The following NIN variants were observed in gnomAD, a reference collection of about 807,000 sequenced individuals.
The protein encoded by NIN is glycogen synthase kinase 3 beta-interacting protein.
NIN carries 137 observed loss-of-function variants against 257.6 expected under a neutral mutation model. That is an observed-to-expected ratio of 0.53 (90% CI 0.46 to 0.61). The LOEUF (loss-of-function observed/expected upper bound fraction) is 0.61, where lower values mean the gene tolerates loss of function less well. NIN is among the 20% of genes least tolerant of loss of function. NIN has a pLI of 0.00. For missense variants in NIN, 2,439 were observed against 2,501.2 expected, an observed-to-expected ratio of 0.98 and a Z score of 0.53; for synonymous variants, 918 against 919.8, an observed-to-expected ratio of 1.00 and a Z score of 0.04.
intron 30 of NIN, among the ~76,000 whole-genome samples, chr14:50,724,908 C>T (rs1238922793): frequency 6.6e-6 from 1 of 152,192 alleles, no homozygotes; most frequent in East Asian, 1.9e-4. Flanking sequence ...TTCTCCTCTA[C>T]TGAAAACAGG....
At chr14:50,808,102 A>C (rs1317701732) in intron 3 of NIN, among the ~76,000 whole-genome samples, 1 of 152,234 alleles carries the variant, frequency 6.6e-6, no homozygotes, top group Non-Finnish European at 1.5e-5. Context: ...AAATCTACGT[A>C]ATCTAAGGAG....
chr14:50,792,948 G>T (rs2043664783), intron 4 of NIN, 67 bp from the exon 5 acceptor site: 7 of 1,528,528 alleles, frequency 4.6e-6, no homozygotes, highest in Non-Finnish European at 6.3e-6. Context: ...GCCACTCACA[G>T]CCATCGGACA....
intron 5 of NIN, among the ~76,000 whole-genome samples, chr14:50,780,917 T>G (rs2043110071): frequency 6.6e-6 from 1 of 152,180 alleles, no homozygotes. Flanking sequence ...TCCAATCTAG[T>G]GGATGTCTGA....
Position 50,756,636 on chromosome 14 carries a change from G to A in NIN, c.4394C>T (p.Thr1465Ile). 8.3e-6 allele frequency: 13 copies of A among 1,557,000 alleles called. No individual in the cohort carries two copies. In the East Asian group the frequency reaches 3.1e-4, roughly 38 times the overall value. The part of the protein sequence containing the change: ...ELEKTKLQEL[T>I]RKLKERVTIL... Reference sequence around the variant, plus strand: ...AGTGACTCTCTCCTTCAACTTCCTAGTCAGCTCCTGTAACTTTGTTTTCTC... The same window carrying A: ...AGTGACTCTCTCCTTCAACTTCCTAATCAGCTCCTGTAACTTTGTTTTCTC... The change falls in exon 18 of 31, where the codon ACT (threonine) becomes ATT (isoleucine). Residue 1465 changes from threonine to isoleucine, a missense_variant. Thr to Ile is a moderately conservative substitution (Grantham distance 89). Transcript: ENST00000530997.
chr14:50,829,786 T>C (rs924684358), intron 2 of NIN, among the ~76,000 whole-genome samples: 1 of 152,190 alleles, frequency 6.6e-6, no homozygotes, highest in African/African-American at 2.4e-5. Context: ...ATTGCCTCTT[T>C]CCGTCTCTAT....
rs571680952 is a variant in NIN at position 50,811,315 on chromosome 14, C to T, written c.184-4497G>A. ...GTAGAGACGGGGTTTCACCATGTTGCCCAGGCTGGTCTCAAACTCCTGACC... is the reference window on the plus strand; with the variant it reads ...GTAGAGACGGGGTTTCACCATGTTGTCCAGGCTGGTCTCAAACTCCTGACC... On this transcript the variant is annotated intron_variant, in intron 3 of 30. Transcript: ENST00000530997. 2.0e-5 allele frequency among the ~76,000 whole-genome samples: 3 copies of T among 151,358 alleles called. No homozygotes were observed. The East Asian group carries it at 5.9e-4, about 30-fold the overall frequency.
At chr14:50,775,684 C>T (rs1595843834) in intron 7 of NIN, among the ~76,000 whole-genome samples, 1 of 152,256 alleles carries the variant, frequency 6.6e-6, no homozygotes, top group South Asian at 2.1e-4. Flanking sequence ...TGGAAACCAC[C>T]ACAGAAGAAC....
At chr14:50,801,132 T>C (rs12886246) in intron 4 of NIN, among the ~76,000 whole-genome samples, 75,564 of 140,552 alleles carry the variant, frequency 0.54, 20,821 homozygotes, top group South Asian at 0.73. Flanking sequence ...GCTTTGTCAC[T>C]CAGGCTGGTG....
rs779749476 is a variant in NIN at position 50,723,492 on chromosome 14, A to G, written c.6373T>C (p.Leu2125=). ...NIVRNLTPAP[L]TSTPPLRS ...GACCTCAAAGGAGGTGTAGAAGTCA[A>G]TGGCGCTGGTGTCAGATTCCTAACT... Residue 2125 remains leucine (L), a synonymous_variant, in exon 31 of 31, where the codon TTG becomes CTG. Coordinates refer to ENST00000530997, the MANE Select transcript of NIN (RefSeq NM_020921.4). 1.6e-5 allele frequency: 26 copies of G among 1,612,564 alleles called. No individual in the cohort carries two copies. Among genetic ancestry groups the G allele is most frequent in the Middle Eastern group, 1.8e-4 (1 of 5,442 alleles).
intron 3 of NIN, among the ~76,000 whole-genome samples, chr14:50,820,152 T>C (rs1265760232): frequency 1.3e-5 from 2 of 152,222 alleles, no homozygotes; most frequent in African/African-American, 4.8e-5. Flanking sequence ...ATCCATCTAT[T>C]TAACTTTTAT....
chr14:50,830,263 G>C (rs138762290), intron 2 of NIN, among the ~76,000 whole-genome samples: 2 of 152,198 alleles, frequency 1.3e-5, no homozygotes, highest in Admixed American at 6.5e-5. Flanking sequence ...CGGGGCGTCG[G>C]GGGTACTGGA....
chr14:50,804,922 A>T (rs539327473), intron 4 of NIN, among the ~76,000 whole-genome samples: 1 of 152,338 alleles, frequency 6.6e-6, no homozygotes, highest in East Asian at 1.9e-4. Flanking sequence ...GGGTTGGACA[A>T]GCGTGGTCTA....
In NIN at chr14:50,770,448, T is replaced by A; in HGVS notation, c.1374A>T (p.Glu458Asp). 8 of 1,614,224 alleles carry A rather than the reference T, an allele frequency of 5.0e-6. No homozygotes were observed. Among genetic ancestry groups the A allele is most frequent in the Non-Finnish European group, 6.8e-6 (8 of 1,180,038 alleles). ...AGKQRLELEQ[E>D]IEKAKTEENY... is the part of the protein sequence containing the mutation. Reference sequence around the variant, plus strand: ...TCTCTTCTGTTTTTGCCTTTTCAATTTCCTGTTCAAGTTCTAAACGCTGCT... The same window carrying A: ...TCTCTTCTGTTTTTGCCTTTTCAATATCCTGTTCAAGTTCTAAACGCTGCT... Residue 458 changes from glutamate to aspartate, a missense_variant, in exon 12 of 31, where the codon GAA becomes GAT. Coordinates refer to ENST00000530997, the MANE Select transcript of NIN (RefSeq NM_020921.4).
At position 50,764,171 on chromosome 14, in the gene NIN, T is replaced by TAAGAC. The variant is rs146730975; in HGVS notation, c.1636-212_1636-208dup. On this transcript the variant is annotated intron_variant, in intron 14 of 30. Coordinates refer to ENST00000530997, the MANE Select transcript of NIN (RefSeq NM_020921.4). ...TATAAAGACTATTATAGCTCAATAATAAGACAATTTTAAAAATGGGCAAAT... is the reference window on the plus strand; with the variant it reads ...TATAAAGACTATTATAGCTCAATAATAAGACAAGACAATTTTAAAAATGGGCAAAT... 2.4e-3 allele frequency among the ~76,000 whole-genome samples: 367 copies of TAAGAC among 152,330 alleles called. 4 individuals carry two copies. The highest frequency in any genetic ancestry group is 8.5e-3 in the African/African-American group (354 of 41,584).
intron 15 of NIN, 69 bp from the exon 16 acceptor site, chr14:50,761,980 G>C (rs546935752): frequency 6.6e-7 from 1 of 1,526,532 alleles, no homozygotes; most frequent in African/African-American, 1.4e-5. Flanking sequence ...CATCTGAGGA[G>C]GGACATCCAG....
At chr14:50,777,605 G>A (rs976829469) in intron 6 of NIN, among the ~76,000 whole-genome samples, 4 of 151,650 alleles carry the variant, frequency 2.6e-5, no homozygotes, top group Non-Finnish European at 5.9e-5. Flanking sequence ...CATGATAAAA[G>A]TCTCAACATT....
chr14:50,761,705 G>GA lies in NIN; in HGVS notation c.1896+84dup, dbSNP rs377626331. ...CAACATAGAATGTGCTGCTCTATGA[G>GA]AAAAAAGAATTGGAAATGCCCTACA... is the stretch of plus-strand genomic sequence containing the variant. On this transcript the variant is annotated intron_variant, in intron 16 of 30. Transcript: ENST00000530997. 54 of 1,507,046 alleles carry GA rather than the reference G, an allele frequency of 3.6e-5. 2 individuals carry two copies. In the African/African-American group the frequency reaches 3.8e-4, roughly 11 times the overall value. 93.4% of individuals were successfully genotyped at this position (1,507,046 alleles called of 1,614,324 possible). A position where few individuals can be genotyped will look rare whatever the true frequency, so the allele number is the denominator to read the frequency against.
intron 22 of NIN, among the ~76,000 whole-genome samples, chr14:50,745,872 G>T (rs2041512657): frequency 6.6e-6 from 1 of 152,106 alleles, no homozygotes; most frequent in Admixed American, 6.6e-5. Flanking sequence ...CATACAGAGT[G>T]ACACATGCCT....
At chr14:50,746,034 T>TA (rs35691375) in intron 22 of NIN, among the ~76,000 whole-genome samples, 1,559 of 135,396 alleles carry the variant, frequency 0.012, 26 homozygotes, top group African/African-American at 0.033. Flanking sequence ...AATGCTTGTT[T>TA]AAAAAAAAAA....
Sources: gnomAD v4.1 joint callset for allele counts (sites outside exome capture counted in the v4.1 genomes callset) on GRCh38, gnomAD v4.1.1 for gene constraint, MANE v1.5 for transcripts, NCBI Gene and HGNC (gene_info 2026-07-23, HGNC 2026-07-21) for gene names.